Variants in CELF2 observed in about 807,000 individuals in gnomAD.
CELF2 encodes CUGBP Elav-like family member 2.
CELF2 carries 8 observed loss-of-function variants against 62.6 expected under a neutral mutation model. The ratio of observed to expected loss-of-function variants is 0.13; its 90% CI spans 0.07 to 0.23. The LOEUF is 0.23. Among genes scored for constraint, CELF2 ranks in the 10% least tolerant of loss-of-function variants. CELF2 has a pLI of 1.00. For missense variants in CELF2, 333 were observed against 671.0 expected (o/e 0.50, Z 5.56); for synonymous variants, 258 against 250.0 (o/e 1.03, Z -0.30).
chr10:11,318,893 C>T lies in CELF2; in HGVS notation c.1097-2296C>T. On this transcript the variant is annotated intron_variant, in intron 10 of 12. Coordinates refer to ENST00000633077, the MANE Select transcript of CELF2 (RefSeq NM_001326342.2). The surrounding 1 kb of genome is among the most constrained non-coding windows in gnomAD (Gnocchi z 5.4). ...CGCAGGAAGGATCCCCCGTGGGTCT[C>T]ACATGACAGGGCCTGAAAACTCCCA... 2.1e-6 allele frequency: 1 copy of T among 471,182 alleles called. No individual in the cohort carries two copies. The highest frequency in any genetic ancestry group is 1.5e-5 in the South Asian group (1 of 64,564). The allele number at this position is 471,182 out of a possible 1,614,324, so 29.2% of individuals were successfully genotyped here.
chr10:11,195,742 CTGG>C (rs1448027062), intron 2 of CELF2, among the ~76,000 whole-genome samples: 3 of 152,198 alleles, frequency 2.0e-5, no homozygotes, highest in Non-Finnish European at 4.4e-5. Context: ...TGTGGCCTGC[CTGG>C]TGGTGTTTTA....
At chr10:11,001,577 A>T (rs1311658122), upstream of CELF2, among the ~76,000 whole-genome samples, 3 of 152,222 alleles carry the variant, frequency 2.0e-5, no homozygotes, top group Non-Finnish European at 4.4e-5. Context: ...TTGTTTAGAA[A>T]GCTCAAATCT....
chr10:11,192,946 C>T (rs1008409017), intron 2 of CELF2, among the ~76,000 whole-genome samples: 6 of 152,168 alleles, frequency 3.9e-5, no homozygotes, highest in Non-Finnish European at 8.8e-5. Flanking sequence ...TGGTAAATTT[C>T]GTTTGGTGTT....
chr10:10,603,125 AT>A, the CELF2 span, among the ~76,000 whole-genome samples: 1 of 151,936 alleles, frequency 6.6e-6, no homozygotes, highest in African/African-American at 2.4e-5. Context: ...TTCATTTTCT[AT>A]TATTTCTAAC....
the CELF2 span, among the ~76,000 whole-genome samples, chr10:10,561,664 T>A: frequency 6.6e-6 from 1 of 152,182 alleles, no homozygotes; most frequent in African/African-American, 2.4e-5. Flanking sequence ...GGTGGCATTA[T>A]GGCCACTCAC....
At chr10:10,962,837 G>T (rs2049681195) in intron 2 of CELF2, among the ~76,000 whole-genome samples, 1 of 152,194 alleles carries the variant, frequency 6.6e-6, no homozygotes, top group Admixed American at 6.5e-5. Context: ...GCCTCCCAGT[G>T]GTCACTCAAA....
chr10:10,817,013 C>A (rs916381064), intron 1 of CELF2, among the ~76,000 whole-genome samples: 1 of 152,150 alleles, frequency 6.6e-6, no homozygotes, highest in Non-Finnish European at 1.5e-5. Flanking sequence ...ATTCCAACAA[C>A]TGACTTGGAA....
In CELF2 at chr10:11,217,804, A is replaced by AG. The variant is rs954761848; in HGVS notation, c.354+299dup. ...GTATTGGGTGGGCTAAGATTTTAAAAGGAAAAAAAAACCCAACACACACAA... is the reference window on the plus strand; with the variant it reads ...GTATTGGGTGGGCTAAGATTTTAAAAGGGAAAAAAAAACCCAACACACACAA... On this transcript the variant is annotated intron_variant, in intron 3 of 12. Transcript: ENST00000633077. The surrounding 1 kb of genome is among the most constrained non-coding windows in gnomAD (Gnocchi z 5.6). Among the ~76,000 whole-genome samples the AG allele has an allele frequency of 3.1e-4, 47 of 152,218 alleles. No homozygotes were observed. Among genetic ancestry groups the AG allele is most frequent in the African/African-American group, 1.1e-3 (47 of 41,458 alleles).
intron 2 of CELF2, among the ~76,000 whole-genome samples, chr10:10,949,374 C>T (rs544180469): frequency 7.9e-5 from 12 of 152,248 alleles, no homozygotes; most frequent in African/African-American, 2.4e-4. Context: ...CCAGACCTGG[C>T]GTCACCACTG....
At chr10:11,141,713 G>A (rs1409723287) in intron 1 of CELF2, among the ~76,000 whole-genome samples, 1 of 152,224 alleles carries the variant, frequency 6.6e-6, no homozygotes. Context: ...GTTTCATGGT[G>A]ATGTGCCTTG....
chr10:11,288,268 G>A (rs2091828794), intron 8 of CELF2, 150 bp from the exon 9 acceptor site: 2 of 849,144 alleles, frequency 2.4e-6, no homozygotes, highest in Non-Finnish European at 3.6e-6. Context: ...GGAGAGGGCT[G>A]GAGAGCCCAG....
the CELF2 span, among the ~76,000 whole-genome samples, chr10:10,714,494 A>G: frequency 5.9e-5 from 9 of 152,004 alleles, no homozygotes; most frequent in Middle Eastern, 3.4e-3. Context: ...GAACTAGGGG[A>G]AAAAAAATCA....
At chr10:10,962,363 A>G (rs2049610897) in intron 2 of CELF2, among the ~76,000 whole-genome samples, 1 of 152,224 alleles carries the variant, frequency 6.6e-6, no homozygotes. Context: ...TTATAGGATA[A>G]GACCAGAATT....
chr10:11,303,954 C>T (rs183118156), intron 9 of CELF2, among the ~76,000 whole-genome samples: 43 of 152,336 alleles, frequency 2.8e-4, no homozygotes, highest in Non-Finnish European at 2.9e-5. Flanking sequence ...TGGCAATGAG[C>T]AGCACGTGGC....
chr10:11,233,187 A>G (rs2069527644), intron 3 of CELF2, among the ~76,000 whole-genome samples: 1 of 152,206 alleles, frequency 6.6e-6, no homozygotes, highest in African/African-American at 2.4e-5. Flanking sequence ...CCTGGGCTAC[A>G]GCTCAGAATG....
chr10:10,733,006 G>A, the CELF2 span, among the ~76,000 whole-genome samples: 2 of 152,186 alleles, frequency 1.3e-5, no homozygotes, highest in Non-Finnish European at 2.9e-5. Flanking sequence ...ATCAAGCAGT[G>A]AGGAATGGGC....
At chr10:11,043,705 C>A (rs530925188) in intron 1 of CELF2, among the ~76,000 whole-genome samples, 2 of 152,160 alleles carry the variant, frequency 1.3e-5, no homozygotes, top group Non-Finnish European at 2.9e-5. Flanking sequence ...GTGGGTTCCG[C>A]GTTCCACCTG....
At position 10,842,535 on chromosome 10, in the gene CELF2, T is replaced by A. The variant is rs2058750834; in HGVS notation, c.53+43718T>A. On this transcript the variant is annotated intron_variant, in intron 1 of 13. Transcript: ENST00000636488. ...GAATTTTTCAAATGCTTTTTCTGCA[T>A]CAATTGACGTGATCATATGAGTTTC... Among the ~76,000 whole-genome samples, 6 of 152,078 alleles carry A rather than the reference T, an allele frequency of 3.9e-5. No individual in the cohort carries two copies. In the South Asian group the frequency reaches 1.2e-3, roughly 31 times the overall value.
the CELF2 span, among the ~76,000 whole-genome samples, chr10:10,469,985 C>T: frequency 2.0e-5 from 3 of 151,830 alleles, no homozygotes; most frequent in Non-Finnish European, 4.4e-5. Flanking sequence ...TTCAAAACTT[C>T]TTGAGCACCC....
Sources: allele counts gnomAD v4.1 joint callset (sites outside exome capture counted in the v4.1 genomes callset), GRCh38; gene constraint gnomAD v4.1.1; non-coding constraint Gnocchi (gnomAD v3.1); transcripts MANE v1.5; gene names NCBI Gene and HGNC (gene_info 2026-07-23, HGNC 2026-07-21).